KCNT2: variants seen among roughly 807,000 people sequenced by gnomAD.
KCNT2 encodes potassium sodium-activated channel subfamily T member 2, also known as potassium channel subfamily T member 2.
A neutral mutation model predicts 153.8 loss-of-function variants in KCNT2; 67 were observed. That is an observed-to-expected ratio of 0.44 (90% CI 0.36 to 0.53). The LOEUF (loss-of-function observed/expected upper bound fraction) is 0.53, where lower values mean the gene tolerates loss of function less well. Ranked by LOEUF, KCNT2 falls within the 20% of genes least tolerant of loss-of-function variation. The pLI is 0.00. For missense variants in KCNT2, 975 were observed against 1,354.8 expected (o/e 0.72, Z 4.40); for synonymous variants, 500 against 458.8 (o/e 1.09, Z -1.15).
intron 14 of KCNT2, among the ~76,000 whole-genome samples, chr1:196,348,206 T>TAA (rs79246767): frequency 3.0e-4 from 43 of 144,840 alleles, no homozygotes; most frequent in African/African-American, 5.5e-4. Flanking sequence ...TCATTAGAAT[T>TAA]AAAAAAAAAA....
At chr1:196,533,847 C>G (rs1655235710) in intron 1 of KCNT2, among the ~76,000 whole-genome samples, 1 of 152,032 alleles carries the variant, frequency 6.6e-6, no homozygotes, top group Non-Finnish European at 1.5e-5. Context: ...GGAATAAGTG[C>G]TCTGAATGGA....
chr1:196,503,282 G>A (rs559519564), intron 1 of KCNT2, among the ~76,000 whole-genome samples: 2 of 151,832 alleles, frequency 1.3e-5, no homozygotes, highest in South Asian at 4.2e-4. Flanking sequence ...ATATAATTAC[G>A]TACCTAAGTA....
chr1:196,582,747 C>T (rs1662215021), intron 1 of KCNT2, among the ~76,000 whole-genome samples: 2 of 152,032 alleles, frequency 1.3e-5, no homozygotes, highest in Admixed American at 6.6e-5. Flanking sequence ...TTCAGTGATG[C>T]ATCAGGCAAG....
chr1:196,558,261 C>G (rs1658933215), intron 1 of KCNT2, among the ~76,000 whole-genome samples: 2 of 151,172 alleles, frequency 1.3e-5, no homozygotes, highest in African/African-American at 2.4e-5. Context: ...TATGCACATT[C>G]AAATCATAAA....
At chr1:196,554,021 G>A (rs1348695609) in intron 1 of KCNT2, among the ~76,000 whole-genome samples, 1 of 150,696 alleles carries the variant, frequency 6.6e-6, no homozygotes, top group African/African-American at 2.4e-5. Flanking sequence ...CCTACTTCAA[G>A]AAACGTTAGA....
intron 16 of KCNT2, among the ~76,000 whole-genome samples, chr1:196,335,088 G>A (rs1240327518): frequency 1.3e-5 from 2 of 152,062 alleles, no homozygotes; most frequent in Non-Finnish European, 2.9e-5. Flanking sequence ...AAAAATTGAG[G>A]TTCCTCTCCT....
At chr1:196,404,719 T>C (rs1671690778) in intron 12 of KCNT2, among the ~76,000 whole-genome samples, 1 of 151,576 alleles carries the variant, frequency 6.6e-6, no homozygotes, top group Non-Finnish European at 1.5e-5. Context: ...TTTTAGCATT[T>C]TTAAAAGTTG....
chr1:196,474,458 C>T (rs1323494878), intron 5 of KCNT2, among the ~76,000 whole-genome samples: 1 of 152,092 alleles, frequency 6.6e-6, no homozygotes, highest in East Asian at 1.9e-4. Flanking sequence ...TTTAGATTTA[C>T]CATTTTCAGA....
At chr1:196,471,140 C>T (rs931687035) in intron 5 of KCNT2, among the ~76,000 whole-genome samples, 1 of 151,894 alleles carries the variant, frequency 6.6e-6, no homozygotes, top group African/African-American at 2.4e-5. Context: ...ATCTCCTAAC[C>T]TCGTGATCCG....
intron 21 of KCNT2, 135 bp from the exon 22 acceptor site, chr1:196,305,480 T>A (rs1031584267): frequency 3.5e-6 from 2 of 578,334 alleles, no homozygotes; most frequent in East Asian, 2.9e-5. Context: ...CAGTGCCACA[T>A]AAAATCTTCT....
chr1:196,277,901 T>G (rs1432717685), intron 25 of KCNT2, among the ~76,000 whole-genome samples: 1 of 152,134 alleles, frequency 6.6e-6, no homozygotes, highest in African/African-American at 2.4e-5. Flanking sequence ...ATGTCTTTAT[T>G]GGGTTAATAT....
At chr1:196,483,707 C>G (rs1159982269) in intron 3 of KCNT2, among the ~76,000 whole-genome samples, 1 of 152,108 alleles carries the variant, frequency 6.6e-6, no homozygotes, top group East Asian at 1.9e-4. Context: ...GCCACGTCAC[C>G]CATCACACCT....
At chr1:196,411,734 A>G (rs1170772691) in intron 12 of KCNT2, among the ~76,000 whole-genome samples, 1 of 151,768 alleles carries the variant, frequency 6.6e-6, no homozygotes, top group Non-Finnish European at 1.5e-5. Context: ...TATTAGTTCT[A>G]ACACTTTTTT....
Position 196,527,170 on chromosome 1 carries a change from G to A in KCNT2, c.96-34829C>T, listed in dbSNP as rs1654342595. ...GGAACCAGTCACTGGTGCCAAAAAG[G>A]TTGGGGACCACTGTTCTATAGGATA... On this transcript the variant is annotated intron_variant, in intron 1 of 27. Coordinates refer to ENST00000294725, the MANE Select transcript of KCNT2 (RefSeq NM_198503.5). Among the ~76,000 whole-genome samples the A allele has an allele frequency of 2.6e-5, 4 of 152,172 alleles. No individual in the cohort carries two copies. In the South Asian group the frequency reaches 8.3e-4, roughly 32 times the overall value.
intron 1 of KCNT2, among the ~76,000 whole-genome samples, chr1:196,591,644 T>C (rs1406751403): frequency 1.3e-5 from 2 of 152,168 alleles, no homozygotes; most frequent in Non-Finnish European, 2.9e-5. Context: ...TTCTAACTTA[T>C]ATAATAGTTA....
At chr1:196,403,473 T>C (rs1572330070) in intron 12 of KCNT2, among the ~76,000 whole-genome samples, 1 of 151,654 alleles carries the variant, frequency 6.6e-6, no homozygotes, top group East Asian at 1.9e-4. Flanking sequence ...GATATTGTAA[T>C]GGTGAATGCA....
chr1:196,506,279 T>A (rs1466879790), intron 1 of KCNT2, among the ~76,000 whole-genome samples: 1 of 152,172 alleles, frequency 6.6e-6, no homozygotes, highest in African/African-American at 2.4e-5. Flanking sequence ...ACATAGCATA[T>A]ATGTAAAATA....
intron 8 of KCNT2, among the ~76,000 whole-genome samples, chr1:196,443,761 A>T (rs1675446528): frequency 2.6e-5 from 4 of 151,562 alleles, no homozygotes; most frequent in African/African-American, 9.7e-5. Context: ...GTCTTGAAAG[A>T]TATTTCTAAT....
chr1:196,497,944 G>C (rs1680386098), intron 1 of KCNT2, among the ~76,000 whole-genome samples: 1 of 151,936 alleles, frequency 6.6e-6, no homozygotes, highest in Admixed American at 6.6e-5. Flanking sequence ...TAGTATCTTC[G>C]AATATGAATT....
Sources: allele counts gnomAD v4.1 joint callset (sites outside exome capture counted in the v4.1 genomes callset), GRCh38; gene constraint gnomAD v4.1.1; transcripts MANE v1.5; gene names NCBI Gene and HGNC (gene_info 2026-07-23, HGNC 2026-07-21).